The following FRMPD4 variants were observed in gnomAD, a reference collection of about 807,000 sequenced individuals.
FRMPD4 encodes FERM and PDZ domain containing 4, also known as FERM and PDZ domain-containing protein 4.
In FRMPD4, 22 loss-of-function variants were observed where a neutral mutation model predicts 94.1. That is an observed-to-expected ratio of 0.23 (90% CI 0.17 to 0.33). The LOEUF (loss-of-function observed/expected upper bound fraction) is 0.33. FRMPD4 is among the 10% of genes least tolerant of loss of function. FRMPD4 has a pLI of 1.00. For missense variants in FRMPD4, 1,111 were observed against 1,339.9 expected (o/e 0.83, Z 2.67); for synonymous variants, 631 against 548.6 (o/e 1.15, Z -2.10).
chrX:12,034,765 T>C (rs1021606915), intron 3 of FRMPD4, among the ~76,000 whole-genome samples: 1 of 112,267 alleles, frequency 8.9e-6, no homozygotes, highest in African/African-American at 3.2e-5. Flanking sequence ...TGAAGGGAGT[T>C]ATACTTTGGT....
intron 3 of FRMPD4, chrX:12,054,935 T>A (rs1439920003): frequency 8.9e-6 from 1 of 111,773 alleles, no homozygotes; most frequent in Non-Finnish European, 1.9e-5. Context: ...CCAAAACATG[T>A]CTGATATAAA....
chrX:12,504,131 T>C (rs1026378024), intron 2 of FRMPD4, among the ~76,000 whole-genome samples: 15 of 112,489 alleles, frequency 1.3e-4, no homozygotes, highest in Non-Finnish European at 2.6e-4. Flanking sequence ...ATCTTTTGTC[T>C]CTGCTAATAA....
chrX:12,675,378 T>G (rs2059888234), intron 5 of FRMPD4, among the ~76,000 whole-genome samples: 1 of 109,019 alleles, frequency 9.2e-6, no homozygotes, highest in Non-Finnish European at 1.9e-5. Flanking sequence ...GCTATCATGG[T>G]TAGGAGGGTG....
At chrX:11,827,234 G>A (rs2053449510) in intron 1 of FRMPD4, among the ~76,000 whole-genome samples, 1 of 106,670 alleles carries the variant, frequency 9.4e-6, no homozygotes, top group Admixed American at 1.0e-4. Context: ...TCATATATAT[G>A]GTATAATTCT....
intron 1 of FRMPD4, among the ~76,000 whole-genome samples, chrX:12,495,220 T>C (rs1160867062): frequency 6.2e-5 from 7 of 112,145 alleles, no homozygotes; most frequent in Non-Finnish European, 9.4e-5. Flanking sequence ...CCTTTCACTG[T>C]CTTTCTGTTC....
chrX:12,432,622 A>G (rs1049221325), intron 1 of FRMPD4, among the ~76,000 whole-genome samples: 6 of 111,937 alleles, frequency 5.4e-5, no homozygotes, highest in African/African-American at 1.9e-4. Context: ...GTTCCTTGCT[A>G]TATCAGTCTC....
intron 1 of FRMPD4, among the ~76,000 whole-genome samples, chrX:12,285,192 G>A (rs1411599117): frequency 8.9e-6 from 1 of 111,879 alleles, no homozygotes; most frequent in Non-Finnish European, 1.9e-5. Flanking sequence ...CTAGGTGATG[G>A]AGACCTATTC....
intron 3 of FRMPD4, among the ~76,000 whole-genome samples, chrX:11,899,543 T>TA (rs2053922587): frequency 8.9e-6 from 1 of 111,784 alleles, no homozygotes; most frequent in Non-Finnish European, 1.9e-5. Context: ...TATGAACATG[T>TA]TTATTTAGCC....
intron 1 of FRMPD4, among the ~76,000 whole-genome samples, chrX:12,212,133 T>C (rs982048883): frequency 9.0e-6 from 1 of 111,221 alleles, no homozygotes; most frequent in African/African-American, 3.3e-5. Flanking sequence ...ACAGTAAATA[T>C]TTTAGGCTTT....
chrX:11,831,568 G>A (rs996785684), intron 1 of FRMPD4, among the ~76,000 whole-genome samples: 2 of 111,599 alleles, frequency 1.8e-5, no homozygotes, highest in African/African-American at 3.3e-5. Flanking sequence ...CACATTTAGA[G>A]TTCATCAGCA....
intron 1 of FRMPD4, among the ~76,000 whole-genome samples, chrX:12,490,952 C>T (rs1323749999): frequency 1.8e-5 from 2 of 110,819 alleles, no homozygotes; most frequent in Non-Finnish European, 3.8e-5. Flanking sequence ...ATGTTTTATA[C>T]TGATGAACAC....
At chrX:12,211,185 G>T (rs1204373793) in intron 1 of FRMPD4, among the ~76,000 whole-genome samples, 2 of 111,910 alleles carry the variant, frequency 1.8e-5, no homozygotes, top group Non-Finnish European at 3.8e-5. Flanking sequence ...AGTGGTGGTT[G>T]CTTGAGCCTC....
chrX:12,361,204 C>G (rs1217762105), intron 1 of FRMPD4, among the ~76,000 whole-genome samples: 1 of 112,233 alleles, frequency 8.9e-6, no homozygotes, highest in East Asian at 2.8e-4. Context: ...ACTGTGCAAT[C>G]CTGACATTGC....
At chrX:12,144,885 T>G (rs1212724083) in intron 1 of FRMPD4, among the ~76,000 whole-genome samples, 1 of 109,683 alleles carries the variant, frequency 9.1e-6, no homozygotes, top group Non-Finnish European at 1.9e-5. Flanking sequence ...AAAGTTATGA[T>G]GATATTGAAA....
intron 3 of FRMPD4, among the ~76,000 whole-genome samples, chrX:12,077,268 T>G (rs1232519245): frequency 8.9e-6 from 1 of 112,081 alleles, no homozygotes; most frequent in African/African-American, 3.2e-5. Flanking sequence ...GTACTTTGAA[T>G]TGGGACTGTT....
At chrX:12,322,266 G>A (rs1253644391) in intron 1 of FRMPD4, among the ~76,000 whole-genome samples, 1 of 111,359 alleles carries the variant, frequency 9.0e-6, no homozygotes, top group African/African-American at 3.3e-5. Context: ...AAACATCCTT[G>A]TACAAAGCTA....
At chrX:12,129,621 C>T (rs1054519122) in intron 3 of FRMPD4, among the ~76,000 whole-genome samples, 2 of 111,854 alleles carry the variant, frequency 1.8e-5, no homozygotes, top group African/African-American at 6.5e-5. Flanking sequence ...CTCTTATCTC[C>T]ACCTCTCATA....
intron 1 of FRMPD4, among the ~76,000 whole-genome samples, chrX:11,853,322 T>G (rs2053635819): frequency 1.8e-5 from 2 of 110,703 alleles, no homozygotes; most frequent in African/African-American, 6.6e-5. Context: ...TAACCTAACA[T>G]CACAACTAAA....
intron 3 of FRMPD4, among the ~76,000 whole-genome samples, chrX:12,010,547 C>G (rs944828070): frequency 8.9e-6 from 1 of 112,111 alleles, no homozygotes; most frequent in African/African-American, 3.2e-5. Context: ...TCTGTTTCTA[C>G]TACTATACAA....
Sources: allele counts gnomAD v4.1 joint callset (sites outside exome capture counted in the v4.1 genomes callset), GRCh38; gene constraint gnomAD v4.1.1; transcripts MANE v1.5; gene names NCBI Gene and HGNC (gene_info 2026-07-23, HGNC 2026-07-21).